EIPR1: variants seen among roughly 807,000 people sequenced by gnomAD.
EIPR1 encodes the protein EARP complex and GARP complex interacting protein 1.
A neutral mutation model predicts 48.1 loss-of-function variants in EIPR1; 25 were observed. That is an observed-to-expected ratio of 0.52 (90% confidence interval 0.38 to 0.73). The LOEUF is 0.73. Among genes scored for constraint, EIPR1 ranks in the 30% least tolerant of loss-of-function variants. The pLI is 0.00. For missense variants in EIPR1, 415 were observed against 506.2 expected, an observed-to-expected ratio of 0.82 and a Z score of 1.73; for synonymous variants, 204 against 201.9, an observed-to-expected ratio of 1.01 and a Z score of -0.09.
chr2:3,236,866 T>C (rs1462032501), intron 4 of EIPR1, among the ~76,000 whole-genome samples: 2 of 152,210 alleles, frequency 1.3e-5, no homozygotes, highest in Non-Finnish European at 2.9e-5. Flanking sequence ...GCACGTGGCC[T>C]GAAAGCTCAC....
At chr2:3,332,213 T>C (rs1201843372) in intron 3 of EIPR1, among the ~76,000 whole-genome samples, 1 of 152,236 alleles carries the variant, frequency 6.6e-6, no homozygotes, top group African/African-American at 2.4e-5. Context: ...TACGCTTTTT[T>C]CTCAATGAAC....
intron 3 of EIPR1, among the ~76,000 whole-genome samples, chr2:3,314,985 C>G (rs1321028952): frequency 1.3e-5 from 2 of 151,716 alleles, no homozygotes; most frequent in Non-Finnish European, 2.9e-5. Context: ...TGCTGCTGCT[C>G]TCCGGCAAAC....
intron 4 of EIPR1, among the ~76,000 whole-genome samples, chr2:3,236,292 G>A (rs1336538064): frequency 1.3e-5 from 2 of 152,204 alleles, no homozygotes; most frequent in Non-Finnish European, 2.9e-5. Context: ...GGCTCAGAGA[G>A]TTCTGTTAAG....
chr2:3,190,837 C>T (rs1435975827), intron 8 of EIPR1, among the ~76,000 whole-genome samples: 1 of 152,188 alleles, frequency 6.6e-6, no homozygotes, highest in East Asian at 1.9e-4. Context: ...GAGTCTGGCT[C>T]ATGCCTGTAA....
Position 3,365,983 on chromosome 2 carries a change from C to A in EIPR1, c.43-11350G>T, listed in dbSNP as rs947675731. Reference sequence around the variant, plus strand: ...GGAGGTGGGGGGGTCAGCCCCCCGCCCGGCCAGCCACCCCGTCCGAGAGAA... The same window carrying A: ...GGAGGTGGGGGGGTCAGCCCCCCGCACGGCCAGCCACCCCGTCCGAGAGAA... On this transcript the variant is annotated intron_variant, in intron 1 of 8. Transcript: ENST00000382125. 1.9e-4 allele frequency among the ~76,000 whole-genome samples: 8 copies of A among 43,044 alleles called. No individual in the cohort carries two copies. In the Admixed American group the frequency reaches 2.4e-3, roughly 13 times the overall value. The allele number at this position is 43,044 out of a possible 152,430, so 28.2% of individuals were successfully genotyped here. A position where few individuals can be genotyped will look rare whatever the true frequency, so the allele number is the denominator to read the frequency against.
intron 8 of EIPR1, among the ~76,000 whole-genome samples, chr2:3,190,907 G>T (rs924944682): frequency 2.6e-5 from 4 of 152,158 alleles, no homozygotes; most frequent in African/African-American, 7.2e-5. Flanking sequence ...TTTGAGACCA[G>T]CTTGGGCAAC....
chr2:3,236,116 A>AG (rs1424627464), intron 4 of EIPR1, among the ~76,000 whole-genome samples: 3 of 152,212 alleles, frequency 2.0e-5, no homozygotes, highest in Admixed American at 2.0e-4. Flanking sequence ...GAACAGTCAC[A>AG]GCCCGCAGCA....
At chr2:3,197,860 C>A (rs2103110089) in intron 5 of EIPR1, among the ~76,000 whole-genome samples, 1 of 152,344 alleles carries the variant, frequency 6.6e-6, no homozygotes, top group African/African-American at 2.4e-5. Flanking sequence ...CTTCAGAGCC[C>A]TCTGAGAGGA....
At chr2:3,210,837 C>T (rs995766107) in intron 5 of EIPR1, among the ~76,000 whole-genome samples, 6 of 152,070 alleles carry the variant, frequency 3.9e-5, no homozygotes, top group East Asian at 1.9e-4. Flanking sequence ...CGGGGTTTCA[C>T]CACGTTGGCC....
intron 3 of EIPR1, among the ~76,000 whole-genome samples, chr2:3,310,078 G>A (rs1572425194): frequency 1.3e-5 from 2 of 152,142 alleles, no homozygotes; most frequent in Non-Finnish European, 2.9e-5. Context: ...CAGCCCCTGA[G>A]GTTATGTGCC....
At chr2:3,237,007 G>A (rs1233383919) in intron 4 of EIPR1, among the ~76,000 whole-genome samples, 1 of 152,026 alleles carries the variant, frequency 6.6e-6, no homozygotes, top group African/African-American at 2.4e-5. Flanking sequence ...AACAAAGCCG[G>A]GTGGCTGTGA....
intron 3 of EIPR1, among the ~76,000 whole-genome samples, chr2:3,332,545 T>A (rs1669933023): frequency 6.6e-6 from 1 of 152,196 alleles, no homozygotes; most frequent in Admixed American, 6.5e-5. Flanking sequence ...CCTGCCACCA[T>A]CCCCACAGCC....
chr2:3,346,696 A>G (rs1670412594), intron 2 of EIPR1, among the ~76,000 whole-genome samples: 1 of 152,234 alleles, frequency 6.6e-6, no homozygotes, highest in African/African-American at 2.4e-5. Context: ...AAAAGGCATC[A>G]ATTAGTTCCA....
In EIPR1 at chr2:3,189,147, T is replaced by C; in HGVS notation, c.*187A>G. ...GCCGACAGGGGCTGGGTTCGGGCAT[T>C]AGCTGTGCCGTCGACAATAGCCCCA... is the stretch of plus-strand genomic sequence containing the variant. On this transcript the variant is annotated 3_prime_UTR_variant, in exon 9 of 9. Transcript: ENST00000382125. This position sits in a 1 kb window ranked among gnomAD's most constrained non-coding sequence, Gnocchi z 4.6. The C allele has an allele frequency of 2.0e-6, 1 of 501,966 alleles. No individual in the cohort carries two copies. Among genetic ancestry groups the C allele is most frequent in the Non-Finnish European group, 3.3e-6 (1 of 302,192 alleles). The allele number at this position is 501,966 out of a possible 1,614,324, so 31.1% of individuals were successfully genotyped here.
At chr2:3,305,141 T>A (rs1207042961) in intron 3 of EIPR1, among the ~76,000 whole-genome samples, 1 of 53,772 alleles carries the variant, frequency 1.9e-5, no homozygotes. Flanking sequence ...TCCAGTCCCA[T>A]CAGTTCAGCC....
chr2:3,255,662 T>C (rs1667132876), intron 4 of EIPR1, among the ~76,000 whole-genome samples: 1 of 152,168 alleles, frequency 6.6e-6, no homozygotes, highest in Admixed American at 6.5e-5. Context: ...AAGGTCCCTT[T>C]TCTGAGCTCA....
intron 3 of EIPR1, among the ~76,000 whole-genome samples, chr2:3,270,295 A>G (rs2602753): frequency 0.68 from 103,547 of 151,506 alleles, 35,725 homozygotes; most frequent in East Asian, 0.81. Context: ...GACCTGCTCC[A>G]TGGATGCCAA....
intron 2 of EIPR1, among the ~76,000 whole-genome samples, chr2:3,348,222 G>T (rs190463997): frequency 6.6e-6 from 1 of 152,136 alleles, no homozygotes; most frequent in Non-Finnish European, 1.5e-5. Flanking sequence ...CTGCTCTGTC[G>T]CTGCCCTTCT....
chr2:3,345,838 G>T (rs1419191546), intron 2 of EIPR1, among the ~76,000 whole-genome samples: 1 of 152,064 alleles, frequency 6.6e-6, no homozygotes, highest in East Asian at 1.9e-4. Flanking sequence ...TCTTTCCCTA[G>T]ATCTAGCTTG....
Sources: allele counts gnomAD v4.1 joint callset (sites outside exome capture counted in the v4.1 genomes callset), GRCh38; gene constraint gnomAD v4.1.1; non-coding constraint Gnocchi (gnomAD v3.1); transcripts MANE v1.5; gene names NCBI Gene and HGNC (gene_info 2026-07-23, HGNC 2026-07-21).